Variants in IGSF11 observed in about 807,000 individuals in gnomAD.
The protein encoded by IGSF11 is immunoglobulin superfamily member 11.
In IGSF11, 22 loss-of-function variants were observed where a neutral mutation model predicts 41.0. The observed-to-expected ratio is 0.54, with a 90% CI of 0.38 to 0.77. IGSF11 has a LOEUF of 0.77. Ranked by LOEUF, IGSF11 falls within the 30% of genes least tolerant of loss-of-function variation. The probability of loss-of-function intolerance (pLI) is 0.00; values close to 1 mark genes in which losing one functional copy is unlikely to be tolerated. For synonymous variants in IGSF11, 219 were observed against 201.3 expected, an observed-to-expected ratio of 1.09 and a Z score of -0.74; for missense variants, 444 against 530.8, an observed-to-expected ratio of 0.84 and a Z score of 1.61.
chr3:119,085,097 T>G (rs1472707493), intron 1 of IGSF11, among the ~76,000 whole-genome samples: 6 of 152,252 alleles, frequency 3.9e-5, no homozygotes, highest in Admixed American at 3.3e-4. Flanking sequence ...TGTGGGCACA[T>G]TGCCAATGAT....
upstream of IGSF11, among the ~76,000 whole-genome samples, chr3:119,109,503 G>A (rs1184841413): frequency 1.3e-5 from 2 of 152,146 alleles, no homozygotes; most frequent in African/African-American, 2.4e-5. Flanking sequence ...AGTCTTGCTA[G>A]TGGTCTATGA....
At chr3:119,122,229 T>C (rs763500822) in intron 1 of IGSF11, among the ~76,000 whole-genome samples, 16 of 152,138 alleles carry the variant, frequency 1.1e-4, no homozygotes, top group South Asian at 2.1e-4. Flanking sequence ...GCATGGAAAA[T>C]CTGTGCACTT....
chr3:118,987,485 T>C (rs1397351092), intron 1 of IGSF11, among the ~76,000 whole-genome samples: 1 of 152,118 alleles, frequency 6.6e-6, no homozygotes, highest in African/African-American at 2.4e-5. Flanking sequence ...AAGTCCTGCC[T>C]AGTAGTGTGG....
chr3:118,910,108 C>G (rs1057138385), intron 4 of IGSF11, among the ~76,000 whole-genome samples: 2 of 152,166 alleles, frequency 1.3e-5, no homozygotes, highest in Non-Finnish European at 2.9e-5. Context: ...GTTGACTCTG[C>G]TTTTAGGTTT....
At chr3:119,013,718 C>T (rs755411900) in intron 1 of IGSF11, among the ~76,000 whole-genome samples, 3 of 152,154 alleles carry the variant, frequency 2.0e-5, no homozygotes, top group East Asian at 1.9e-4. Flanking sequence ...ACAAAAGATA[C>T]GTTAGAGACC....
chr3:119,092,000 G>A (rs556748030), intron 1 of IGSF11, among the ~76,000 whole-genome samples: 21 of 147,096 alleles, frequency 1.4e-4, no homozygotes, highest in African/African-American at 4.8e-4. Flanking sequence ...TTTTGGGGGG[G>A]GGGGGTTGGT....
intron 1 of IGSF11, among the ~76,000 whole-genome samples, chr3:118,970,198 T>C (rs538653501): frequency 4.8e-4 from 73 of 152,286 alleles, no homozygotes; most frequent in Admixed American, 1.7e-3. Flanking sequence ...GAATTTGACA[T>C]AAAATTCAAA....
At chr3:119,039,332 G>GC (rs35712182), upstream of IGSF11, among the ~76,000 whole-genome samples, 18,904 of 152,082 alleles carry the variant, frequency 0.12, 1,342 homozygotes, top group East Asian at 0.24. Context: ...AGATTCTAGA[G>GC]CCCACCTACT....
At chr3:119,107,246 C>A (rs1004217107), upstream of IGSF11, among the ~76,000 whole-genome samples, 5 of 152,182 alleles carry the variant, frequency 3.3e-5, no homozygotes, top group Non-Finnish European at 7.3e-5. Context: ...CTCTCCAGCA[C>A]CTGTTGTTTC....
At chr3:118,930,031 G>T in intron 2 of IGSF11, 81 bp downstream of exon 2, 2 of 1,396,290 alleles carry the variant, frequency 1.4e-6, no homozygotes, top group Non-Finnish European at 2.0e-6. Flanking sequence ...CGAAACCAAA[G>T]ATGTACTCAT....
At chr3:118,909,987 TTCA>T (rs1403374787) in intron 4 of IGSF11, among the ~76,000 whole-genome samples, 6 of 152,200 alleles carry the variant, frequency 3.9e-5, no homozygotes, top group African/African-American at 1.4e-4. Flanking sequence ...GCAAGAATGA[TTCA>T]TCATTAGCAA....
At chr3:119,060,763 C>T (rs900015096) in intron 1 of IGSF11, among the ~76,000 whole-genome samples, 3 of 152,136 alleles carry the variant, frequency 2.0e-5, no homozygotes, top group African/African-American at 7.2e-5. Context: ...TGAATTAGCA[C>T]CCTGATCAAC....
chr3:119,043,244 C>T (rs183713256), intron 1 of IGSF11, among the ~76,000 whole-genome samples: 210 of 152,260 alleles, frequency 1.4e-3, no homozygotes, highest in African/African-American at 4.8e-3. Flanking sequence ...GTTGCCAGCT[C>T]GAATGCCTGG....
rs1013854138 is a variant in IGSF11, at chr3:119,008,300, G to C, written c.52+26231C>G. ...AGATCATCCAAAACCCATTCCAATT[G>C]TCTTTGGAATATGGCCTTCCTTGCA... On this transcript the variant is annotated intron_variant, in intron 1 of 6. Transcript: ENST00000393775. 8.5e-5 allele frequency among the ~76,000 whole-genome samples: 13 copies of C among 152,160 alleles called. 1 individual carries two copies. The highest frequency in any genetic ancestry group is 3.1e-4 in the African/African-American group (13 of 41,434).
intron 1 of IGSF11, among the ~76,000 whole-genome samples, chr3:119,078,599 A>C (rs1256565022): frequency 6.6e-6 from 1 of 152,204 alleles, no homozygotes; most frequent in African/African-American, 2.4e-5. Flanking sequence ...GTAAAACCTA[A>C]AACTATAAAA....
At chr3:119,023,079 T>C (rs751697600) in intron 1 of IGSF11, among the ~76,000 whole-genome samples, 6 of 151,848 alleles carry the variant, frequency 4.0e-5, no homozygotes, top group African/African-American at 9.7e-5. Flanking sequence ...CTGGCCAACA[T>C]GGCGAAACCC....
At position 118,912,170 on chromosome 3, in the gene IGSF11, T is replaced by C. The variant is rs1471679264; in HGVS notation, c.581-6452A>G. Among the ~76,000 whole-genome samples the C allele has an allele frequency of 2.0e-5, 3 of 152,242 alleles. No individual in the cohort carries two copies. In the East Asian group the frequency reaches 5.8e-4, roughly 29 times the overall value. ...GCATATAATTTTTAAAAACACATTT[T>C]AAAGTTCTCTGTGCATCTTTAAAGT... On this transcript the variant is annotated intron_variant, in intron 4 of 6. Coordinates refer to ENST00000393775, the MANE Select transcript of IGSF11 (RefSeq NM_001015887.3).
upstream of IGSF11, among the ~76,000 whole-genome samples, chr3:119,108,571 A>G (rs2077079659): frequency 7.2e-6 from 1 of 139,020 alleles, no homozygotes; most frequent in Non-Finnish European, 1.6e-5. Flanking sequence ...CTAATTGAAT[A>G]CCCTTTATTT....
At chr3:119,075,922 T>C (rs1190135786) in intron 1 of IGSF11, among the ~76,000 whole-genome samples, 1 of 152,282 alleles carries the variant, frequency 6.6e-6, no homozygotes, top group East Asian at 1.9e-4. Context: ...TTAAAGTTCA[T>C]ATGGAACCTA....
Sources: gnomAD v4.1 joint callset for allele counts (sites outside exome capture counted in the v4.1 genomes callset) on GRCh38, gnomAD v4.1.1 for gene constraint, MANE v1.5 for transcripts, NCBI Gene and HGNC (gene_info 2026-07-23, HGNC 2026-07-21) for gene names.